Variants in BCKDHB observed in about 807,000 individuals in gnomAD.
The protein encoded by BCKDHB is 2-oxoisovalerate dehydrogenase subunit beta, mitochondrial.
In BCKDHB, 41 loss-of-function variants were observed where a neutral mutation model predicts 48.5. That is an observed-to-expected ratio of 0.85 (90% confidence interval 0.66 to 1.10). BCKDHB has a LOEUF of 1.10. Ranked by LOEUF, BCKDHB falls within the 50% of genes least tolerant of loss-of-function variation. The probability of loss-of-function intolerance (pLI) is 0.00; values close to 1 mark genes in which losing one functional copy is unlikely to be tolerated. For synonymous variants in BCKDHB, 201 were observed against 174.8 expected, an observed-to-expected ratio of 1.15 and a Z score of -1.18; for missense variants, 496 against 494.2, an observed-to-expected ratio of 1.00 and a Z score of -0.03.
chr6:80,414,975 A>G, the BCKDHB span, among the ~76,000 whole-genome samples: 41 of 147,920 alleles, frequency 2.8e-4, no homozygotes, highest in Non-Finnish European at 4.3e-4. Context: ...TTTCACCACC[A>G]TCAGTAGTTG....
chr6:80,115,105 C>T (rs150870711), intron 1 of BCKDHB, among the ~76,000 whole-genome samples: 1 of 152,250 alleles, frequency 6.6e-6, no homozygotes, highest in East Asian at 1.9e-4. Context: ...ACACTGGTAC[C>T]TTACAAAGGC....
At chr6:80,352,701 C>T in the BCKDHB span, among the ~76,000 whole-genome samples, 1 of 152,104 alleles carries the variant, frequency 6.6e-6, no homozygotes, top group Non-Finnish European at 1.5e-5. Context: ...ATATTGTGCT[C>T]AATTTTTTAA....
chr6:80,441,213 T>A, the BCKDHB span: 1 of 152,120 alleles, frequency 6.6e-6, no homozygotes, highest in East Asian at 1.9e-4. Flanking sequence ...AAAATGTGCA[T>A]ATAGCATCCT....
the BCKDHB span, among the ~76,000 whole-genome samples, chr6:80,432,834 C>T: frequency 2.6e-5 from 4 of 152,148 alleles, no homozygotes; most frequent in Non-Finnish European, 4.4e-5. Context: ...CTTTCATCTT[C>T]AATGTTAGTG....
At chr6:80,398,776 G>A in the BCKDHB span, among the ~76,000 whole-genome samples, 4 of 151,648 alleles carry the variant, frequency 2.6e-5, no homozygotes, top group African/African-American at 9.7e-5. Flanking sequence ...AAACCTGGCA[G>A]AGATACAAAA....
At chr6:80,342,171 CAG>C (rs1296850344) in intron 9 of BCKDHB, among the ~76,000 whole-genome samples, 3 of 151,986 alleles carry the variant, frequency 2.0e-5, no homozygotes, top group Non-Finnish European at 4.4e-5. Context: ...AGAAATCACA[CAG>C]GGGGTAGGGA....
rs969287304 is a variant in BCKDHB, at chr6:80,230,124, C to T, written c.951+26912C>T. Reference sequence around the variant, plus strand: ...CGCTATCCCGGCTCACTGCAAGCTCCGCCTCTTGGGTTCATGCCATTCTCC... The same window carrying T: ...CGCTATCCCGGCTCACTGCAAGCTCTGCCTCTTGGGTTCATGCCATTCTCC... On this transcript the variant is annotated intron_variant, in intron 8 of 9. Transcript: ENST00000320393. Among the ~76,000 whole-genome samples, 31 of 146,376 alleles carry T rather than the reference C, an allele frequency of 2.1e-4. No individual in the cohort carries two copies. In the East Asian group the frequency reaches 3.0e-3, roughly 14 times the overall value.
At chr6:80,287,168 T>C (rs1028939355) in intron 9 of BCKDHB, among the ~76,000 whole-genome samples, 3 of 152,138 alleles carry the variant, frequency 2.0e-5, no homozygotes, top group Admixed American at 1.3e-4. Flanking sequence ...GAAGCTTGCA[T>C]AGAGTCAGAG....
the BCKDHB span, among the ~76,000 whole-genome samples, chr6:80,400,881 G>T: frequency 6.6e-6 from 1 of 151,972 alleles, no homozygotes; most frequent in Non-Finnish European, 1.5e-5. Context: ...ATACTATGAA[G>T]CCATAAGAAA....
intron 9 of BCKDHB, among the ~76,000 whole-genome samples, chr6:80,301,337 C>A (rs964352248): frequency 6.6e-6 from 1 of 152,014 alleles, no homozygotes; most frequent in Non-Finnish European, 1.5e-5. Context: ...AAGTACAATT[C>A]GAGTTTATAA....
At chr6:80,389,998 C>G in the BCKDHB span, among the ~76,000 whole-genome samples, 4 of 152,240 alleles carry the variant, frequency 2.6e-5, no homozygotes, top group East Asian at 7.7e-4. Context: ...AATGCTACCA[C>G]CAGGAGACAC....
intron 3 of BCKDHB, among the ~76,000 whole-genome samples, chr6:80,135,379 T>C (rs750353292): frequency 1.6e-4 from 24 of 152,088 alleles, no homozygotes; most frequent in Admixed American, 6.6e-5. Flanking sequence ...TATTGAAGTA[T>C]ACATATTTAT....
chr6:80,197,110 C>A (rs2127816254), intron 6 of BCKDHB, among the ~76,000 whole-genome samples: 1 of 152,276 alleles, frequency 6.6e-6, no homozygotes, highest in Admixed American at 6.5e-5. Flanking sequence ...TGCTCTTTAG[C>A]TTCTGAAGAT....
chr6:80,118,461 G>C (rs1347339310), intron 1 of BCKDHB, among the ~76,000 whole-genome samples: 1 of 151,924 alleles, frequency 6.6e-6, no homozygotes, highest in Non-Finnish European at 1.5e-5. Context: ...CCTTGATGTT[G>C]ATAGCTACTG....
chr6:80,314,679 G>C (rs1364010806), intron 9 of BCKDHB, among the ~76,000 whole-genome samples: 1 of 151,996 alleles, frequency 6.6e-6, no homozygotes, highest in Admixed American at 6.6e-5. Context: ...TTCAAAGCCC[G>C]CAGGCTGGAA....
At chr6:80,114,772 T>C (rs530313200) in intron 1 of BCKDHB, among the ~76,000 whole-genome samples, 2 of 152,312 alleles carry the variant, frequency 1.3e-5, no homozygotes, top group South Asian at 4.1e-4. Flanking sequence ...AGTGGAGAAC[T>C]GATGACTGTT....
the BCKDHB span, among the ~76,000 whole-genome samples, chr6:80,442,783 T>A: frequency 6.6e-6 from 1 of 152,204 alleles, no homozygotes; most frequent in Non-Finnish European, 1.5e-5. Context: ...AGCTTTTGTC[T>A]TATTCTAAAA....
chr6:80,135,108 T>C lies in BCKDHB; in HGVS notation c.343+5879T>C, dbSNP rs13201977. The stretch of plus-strand genomic sequence containing the variant: ...TGTTAGCAAAATCTTTGCTCTCTTA[T>C]ATATTTTTTGTGAATTATGAAATTA... On this transcript the variant is annotated intron_variant, in intron 3 of 9. Transcript: ENST00000320393. Among the ~76,000 whole-genome samples, 1,465 of 152,236 alleles carry C rather than the reference T, an allele frequency of 9.6e-3. 13 individuals carry two copies. Among genetic ancestry groups the C allele is most frequent in the Non-Finnish European group, 0.015 (1,046 of 68,016 alleles).
chr6:80,418,064 C>T, the BCKDHB span, among the ~76,000 whole-genome samples: 1 of 151,940 alleles, frequency 6.6e-6, no homozygotes, highest in African/African-American at 2.4e-5. Flanking sequence ...GTCTCACTAT[C>T]TTGTTTCAGA....
Sources: allele counts gnomAD v4.1 joint callset (sites outside exome capture counted in the v4.1 genomes callset), GRCh38; gene constraint gnomAD v4.1.1; transcripts MANE v1.5; gene names NCBI Gene and HGNC (gene_info 2026-07-23, HGNC 2026-07-21).